The following RASGEF1C variants were observed in gnomAD, a reference collection of about 807,000 sequenced individuals.
RASGEF1C encodes the protein ras-GEF domain-containing family member 1C.
In RASGEF1C, 27 loss-of-function variants were observed where a neutral mutation model predicts 58.1. The observed-to-expected ratio is 0.46, with a 90% CI of 0.34 to 0.64. The LOEUF (loss-of-function observed/expected upper bound fraction) is 0.64, where lower values mean the gene tolerates loss of function less well. Among genes scored for constraint, RASGEF1C ranks in the 30% least tolerant of loss-of-function variants. RASGEF1C has a pLI of 0.01. For synonymous variants in RASGEF1C, 243 were observed against 246.3 expected, an observed-to-expected ratio of 0.99 and a Z score of 0.13; for missense variants, 502 against 605.1, an observed-to-expected ratio of 0.83 and a Z score of 1.79.
At chr5:180,113,410 C>T (rs1330160744) in intron 11 of RASGEF1C, among the ~76,000 whole-genome samples, 3 of 49,218 alleles carry the variant, frequency 6.1e-5, no homozygotes, top group Admixed American at 2.1e-4. Context: ...CGGGGATGGA[C>T]GGAGGGATCG....
At chr5:180,102,685 G>T (rs1299323726) in intron 12 of RASGEF1C, among the ~76,000 whole-genome samples, 1 of 151,272 alleles carries the variant, frequency 6.6e-6, no homozygotes, top group Non-Finnish European at 1.5e-5. Flanking sequence ...GTTTTGTTTT[G>T]TTTTTGTCAA....
chr5:180,176,382 C>G (rs914647565), intron 1 of RASGEF1C, among the ~76,000 whole-genome samples: 3 of 152,202 alleles, frequency 2.0e-5, no homozygotes, highest in Non-Finnish European at 4.4e-5. Flanking sequence ...CCAGTCACCA[C>G]AATAACGACT....
chr5:180,184,953 T>A (rs1177840778), intron 1 of RASGEF1C, among the ~76,000 whole-genome samples: 1 of 152,178 alleles, frequency 6.6e-6, no homozygotes, highest in African/African-American at 2.4e-5. Flanking sequence ...TAGTTGAGAT[T>A]TTTGTCATCT....
intron 4 of RASGEF1C, among the ~76,000 whole-genome samples, chr5:180,134,784 C>A (rs1325440793): frequency 6.7e-6 from 1 of 148,840 alleles, no homozygotes; most frequent in Admixed American, 6.7e-5. Context: ...TGACCCCCAA[C>A]CCCCCAACAG....
intron 1 of RASGEF1C, among the ~76,000 whole-genome samples, chr5:180,201,965 A>G (rs1464890191): frequency 6.6e-6 from 1 of 152,242 alleles, no homozygotes; most frequent in African/African-American, 2.4e-5. Context: ...AGTTTCTGAT[A>G]CAGATGAACA....
At chr5:180,182,204 CAAAAAAAAAAAAAAA>C (rs1156831010) in intron 1 of RASGEF1C, among the ~76,000 whole-genome samples, 1 of 22,758 alleles carries the variant, frequency 4.4e-5, no homozygotes, top group African/African-American at 1.5e-4. Flanking sequence ...GACTCCGTCT[CAAAAAAAAAAAAAAA>C]AAAAAAAAAA....
At chr5:180,115,702 G>A (rs1766053841) in intron 10 of RASGEF1C, among the ~76,000 whole-genome samples, 1 of 152,210 alleles carries the variant, frequency 6.6e-6, no homozygotes, top group Non-Finnish European at 1.5e-5. Flanking sequence ...CTGTGAAGCA[G>A]GGCTCTCATG....
chr5:180,205,567 C>T (rs1756472956), intron 1 of RASGEF1C, among the ~76,000 whole-genome samples: 1 of 152,130 alleles, frequency 6.6e-6, no homozygotes, highest in South Asian at 2.1e-4. Flanking sequence ...ACAGCAGCAA[C>T]GTGCTGCAAC....
intron 12 of RASGEF1C, among the ~76,000 whole-genome samples, chr5:180,109,068 A>T (rs1231506555): frequency 6.6e-6 from 1 of 151,882 alleles, no homozygotes; most frequent in Non-Finnish European, 1.5e-5. Flanking sequence ...CTGCCCTGAG[A>T]CTCCTCTATG....
chr5:180,121,143 A>G lies in RASGEF1C; in HGVS notation c.721T>C (p.Phe241Leu). 6.2e-7 allele frequency: 1 copy of G among 1,613,426 alleles called. No individual in the cohort carries two copies. The highest frequency in any genetic ancestry group is 1.1e-5 in the South Asian group (1 of 91,056). The change falls in exon 7 of 14, where the codon TTC (phenylalanine) becomes CTC (leucine). Residue 241 changes from phenylalanine to leucine, a missense_variant. Phe to Leu is a conservative substitution (Grantham distance 22, BLOSUM62 0). Coordinates refer to ENST00000361132, the MANE Select transcript of RASGEF1C (RefSeq NM_175062.4). Reference sequence around the variant, plus strand: ...TCCAGGTTGCTGGTCTTGTCACTGAAGCAGGGCTAGAACAAACACAGCACA... The same window carrying G: ...TCCAGGTTGCTGGTCTTGTCACTGAGGCAGGGCTAGAACAAACACAGCACA... ...KDPLASTKPCFSDKTSNLEAY... is the reference protein window; with the variant it reads ...KDPLASTKPCLSDKTSNLEAY...
At chr5:180,145,446 A>G (rs1766649325) in intron 1 of RASGEF1C, among the ~76,000 whole-genome samples, 1 of 152,202 alleles carries the variant, frequency 6.6e-6, no homozygotes, top group Non-Finnish European at 1.5e-5. Flanking sequence ...AATTACCAAC[A>G]GCAATGTAAA....
chr5:180,199,308 A>G (rs911668236), intron 1 of RASGEF1C, among the ~76,000 whole-genome samples: 2 of 152,228 alleles, frequency 1.3e-5, no homozygotes, highest in Non-Finnish European at 2.9e-5. Flanking sequence ...AAGCATGTGG[A>G]AGTCCCGCTG....
intron 1 of RASGEF1C, among the ~76,000 whole-genome samples, chr5:180,208,594 C>T (rs1472737320): frequency 2.0e-5 from 3 of 152,140 alleles, no homozygotes; most frequent in South Asian, 4.1e-4. Flanking sequence ...GCACCCTCTT[C>T]CCCCAGGCGC....
intron 5 of RASGEF1C, among the ~76,000 whole-genome samples, chr5:180,127,944 C>T (rs1241847960): frequency 2.0e-5 from 3 of 152,196 alleles, no homozygotes; most frequent in Non-Finnish European, 4.4e-5. Flanking sequence ...AAGCCAGGCT[C>T]CACGCTGGGT....
At chr5:180,203,031 A>G (rs1756423198) in intron 1 of RASGEF1C, among the ~76,000 whole-genome samples, 4 of 152,142 alleles carry the variant, frequency 2.6e-5, no homozygotes, top group Admixed American at 2.6e-4. Context: ...TAAGGAACCA[A>G]CAGAAGCTAA....
intron 10 of RASGEF1C, among the ~76,000 whole-genome samples, chr5:180,116,346 G>A (rs1035437612): frequency 4.9e-5 from 5 of 102,032 alleles, no homozygotes; most frequent in African/African-American, 7.6e-5. Context: ...GGAAGGAAGC[G>A]TAAAGTGCTA....
rs947658886 is a variant in RASGEF1C, at chr5:180,197,438, G to A, written c.-7+11590C>T. On this transcript the variant is annotated intron_variant, in intron 1 of 13. Transcript: ENST00000361132. The surrounding 1 kb of genome is among the most constrained non-coding windows in gnomAD (Gnocchi z 4.7). The stretch of plus-strand genomic sequence containing the variant: ...AGCCTAGCTCAGGCCTGAAACCCAC[G>A]GCTGCTCAGCATGTGTTTATTGGGT... Among the ~76,000 whole-genome samples the A allele has an allele frequency of 2.0e-5, 3 of 152,182 alleles. No individual in the cohort carries two copies. Among genetic ancestry groups the A allele is most frequent in the Admixed American group, 6.5e-5 (1 of 15,280 alleles).
At chr5:180,193,291 G>C (rs1451104163) in intron 1 of RASGEF1C, among the ~76,000 whole-genome samples, 1 of 149,484 alleles carries the variant, frequency 6.7e-6, no homozygotes, top group Non-Finnish European at 1.5e-5. Flanking sequence ...TCCTGACCTC[G>C]TGATCCGCCT....
intron 1 of RASGEF1C, among the ~76,000 whole-genome samples, chr5:180,190,453 G>C (rs1191552909): frequency 1.5e-5 from 2 of 133,438 alleles, no homozygotes; most frequent in Non-Finnish European, 3.2e-5. Context: ...TCGCGCCACT[G>C]CACTCCAGAC....
Sources: gnomAD v4.1 joint callset for allele counts (sites outside exome capture counted in the v4.1 genomes callset) on GRCh38, gnomAD v4.1.1 for gene constraint, Gnocchi (gnomAD v3.1) non-coding constraint, MANE v1.5 for transcripts, NCBI Gene and HGNC (gene_info 2026-07-23, HGNC 2026-07-21) for gene names.